The following GLIS3 variants were observed in gnomAD, a reference collection of about 807,000 sequenced individuals.
The protein encoded by GLIS3 is zinc finger protein GLIS3.
In GLIS3, 53 loss-of-function variants were observed where a neutral mutation model predicts 78.6. The observed-to-expected ratio is 0.67, with a 90% confidence interval of 0.54 to 0.85. The LOEUF (loss-of-function observed/expected upper bound fraction) is 0.85, where lower values mean the gene tolerates loss of function less well. Among genes scored for constraint, GLIS3 ranks in the 40% least tolerant of loss-of-function variants. The pLI is 0.00. For synonymous variants in GLIS3, 684 were observed against 509.9 expected (o/e 1.34, Z -4.60); for missense variants, 1,703 against 1,231.1 (o/e 1.38, Z -5.74).
intron 4 of GLIS3, among the ~76,000 whole-genome samples, chr9:4,020,624 A>G (rs1017156242): frequency 6.6e-6 from 1 of 152,210 alleles, no homozygotes; most frequent in Non-Finnish European, 1.5e-5. Context: ...CAGGCTTTTC[A>G]CCTTTGTTCT....
chr9:3,830,586 A>G (rs1307761415), intron 9 of GLIS3, among the ~76,000 whole-genome samples: 1 of 152,208 alleles, frequency 6.6e-6, no homozygotes, highest in African/African-American at 2.4e-5. Flanking sequence ...TATTATTGAT[A>G]TCACTATTCT....
At chr9:4,371,756 A>T in the GLIS3 span, among the ~76,000 whole-genome samples, 1 of 152,204 alleles carries the variant, frequency 6.6e-6, no homozygotes, top group African/African-American at 2.4e-5. Flanking sequence ...CTTAGGCTTT[A>T]AAGTGGGTCC....
intron 4 of GLIS3, among the ~76,000 whole-genome samples, chr9:3,965,576 G>T (rs1294871291): frequency 6.6e-6 from 1 of 152,166 alleles, no homozygotes; most frequent in Non-Finnish European, 1.5e-5. Flanking sequence ...ACAGTCTAAA[G>T]AAAAGTTGTA....
the GLIS3 span, among the ~76,000 whole-genome samples, chr9:4,469,876 A>G: frequency 0.17 from 25,475 of 152,152 alleles, 2,527 homozygotes; most frequent in Non-Finnish European, 0.22. Flanking sequence ...AACAAAATTG[A>G]TAGACCACTA....
At chr9:4,142,056 C>G (rs561803229) in intron 2 of GLIS3, among the ~76,000 whole-genome samples, 25 of 152,306 alleles carry the variant, frequency 1.6e-4, no homozygotes, top group African/African-American at 5.8e-4. Context: ...CTAATCATAT[C>G]TGAAATTAGG....
chr9:3,988,831 A>G (rs1048234299), intron 4 of GLIS3, among the ~76,000 whole-genome samples: 1 of 152,178 alleles, frequency 6.6e-6, no homozygotes, highest in Admixed American at 6.5e-5. Flanking sequence ...AAAGCCAGAA[A>G]CAAATTGTTA....
At chr9:4,464,687 G>A in the GLIS3 span, among the ~76,000 whole-genome samples, 1 of 152,134 alleles carries the variant, frequency 6.6e-6, no homozygotes. Context: ...GAGCCACCAT[G>A]CCTGGCCTGA....
At chr9:4,481,861 G>A in the GLIS3 span, among the ~76,000 whole-genome samples, 6 of 152,118 alleles carry the variant, frequency 3.9e-5, no homozygotes, top group Non-Finnish European at 8.8e-5. Flanking sequence ...CATTGTCTGG[G>A]TCTACCCGCA....
intron 2 of GLIS3, among the ~76,000 whole-genome samples, chr9:4,169,623 T>C (rs1233434437): frequency 6.6e-6 from 1 of 152,204 alleles, no homozygotes; most frequent in Non-Finnish European, 1.5e-5. Flanking sequence ...AGTTGTACTG[T>C]AGTTAAGAGA....
intron 2 of GLIS3, among the ~76,000 whole-genome samples, chr9:4,314,996 G>A (rs2130534570): frequency 6.6e-6 from 1 of 152,344 alleles, no homozygotes; most frequent in Admixed American, 6.5e-5. Flanking sequence ...CATAGCTTGT[G>A]AAGCCATTCT....
intron 2 of GLIS3, among the ~76,000 whole-genome samples, chr9:4,153,179 A>G (rs1029808793): frequency 6.6e-6 from 1 of 152,252 alleles, no homozygotes; most frequent in East Asian, 1.9e-4. Context: ...GAATTAATGC[A>G]AAGTCCTAAT....
chr9:4,467,850 G>C, the GLIS3 span, among the ~76,000 whole-genome samples: 1 of 152,028 alleles, frequency 6.6e-6, no homozygotes, highest in Non-Finnish European at 1.5e-5. Context: ...CGAGCTAAAG[G>C]AGGATGATCA....
At chr9:4,122,465 G>C (rs1832262438) in intron 3 of GLIS3, among the ~76,000 whole-genome samples, 1 of 152,080 alleles carries the variant, frequency 6.6e-6, no homozygotes, top group Non-Finnish European at 1.5e-5. Flanking sequence ...GACCTTTGTG[G>C]ATATACTCTC....
rs1275238059 is a variant in GLIS3 at position 3,981,965 on chromosome 9, T to A, written c.1711-44776A>T. Among the ~76,000 whole-genome samples, 5 of 152,264 alleles carry A rather than the reference T, an allele frequency of 3.3e-5. No individual in the cohort carries two copies. The East Asian group carries it at 9.7e-4, about 29-fold the overall frequency. ...TGCCACAGAGGGAGAGAGGGAGTCATGTTAACAGTTTTAATCTTATTCCAC... is the reference window on the plus strand; with the variant it reads ...TGCCACAGAGGGAGAGAGGGAGTCAAGTTAACAGTTTTAATCTTATTCCAC... On this transcript the variant is annotated intron_variant, in intron 4 of 10. Transcript: ENST00000381971.
chr9:4,043,967 T>C (rs1246612494), intron 4 of GLIS3, among the ~76,000 whole-genome samples: 3 of 151,956 alleles, frequency 2.0e-5, no homozygotes, highest in South Asian at 2.1e-4. Flanking sequence ...CAGCCGGCTG[T>C]TGTCACCAAC....
intron 2 of GLIS3, among the ~76,000 whole-genome samples, chr9:4,328,258 GA>G (rs1817631607): frequency 6.6e-6 from 1 of 152,200 alleles, no homozygotes; most frequent in African/African-American, 2.4e-5. Flanking sequence ...CTCCTTTAGG[GA>G]TTTCAAGGTA....
chr9:4,391,702 G>T, the GLIS3 span, among the ~76,000 whole-genome samples: 2 of 152,120 alleles, frequency 1.3e-5, no homozygotes, highest in Non-Finnish European at 2.9e-5. Flanking sequence ...ATAGAGGTTT[G>T]TACTGTCAAT....
intron 2 of GLIS3, among the ~76,000 whole-genome samples, chr9:4,250,158 CTTTT>C (rs1284393765): frequency 6.6e-6 from 1 of 152,170 alleles, no homozygotes; most frequent in African/African-American, 2.4e-5. Context: ...AGGATTCCCT[CTTTT>C]TCTATTGTTT....
chr9:3,967,545 T>A (rs999511246), intron 4 of GLIS3, among the ~76,000 whole-genome samples: 1 of 152,022 alleles, frequency 6.6e-6, no homozygotes, highest in East Asian at 1.9e-4. Context: ...GATATTAGTA[T>A]ATGAGGATAA....
Sources: gnomAD v4.1 joint callset for allele counts (sites outside exome capture counted in the v4.1 genomes callset) on GRCh38, gnomAD v4.1.1 for gene constraint, MANE v1.5 for transcripts, NCBI Gene and HGNC (gene_info 2026-07-23, HGNC 2026-07-21) for gene names.